The following DIS3L2 variants were observed in gnomAD, a reference collection of about 807,000 sequenced individuals.
DIS3L2 encodes DIS3-like exonuclease 2.
In DIS3L2, 34 loss-of-function variants were observed where a neutral mutation model predicts 97.5. The observed-to-expected ratio is 0.35, with a 90% confidence interval of 0.27 to 0.46. The LOEUF is 0.46. DIS3L2 is among the 20% of genes least tolerant of loss of function. DIS3L2 has a pLI of 1.00. For missense variants in DIS3L2, 1,038 were observed against 1,146.0 expected (o/e 0.91, Z 1.36); for synonymous variants, 435 against 445.2 (o/e 0.98, Z 0.29).
intron 10 of DIS3L2, among the ~76,000 whole-genome samples, chr2:232,227,843 T>G (rs1026194128): frequency 6.6e-6 from 1 of 152,234 alleles, no homozygotes; most frequent in Non-Finnish European, 1.5e-5. Flanking sequence ...ACAGTTAACG[T>G]TTAGTTTATA....
At chr2:232,214,651 G>C (rs578133000) in intron 10 of DIS3L2, among the ~76,000 whole-genome samples, 1 of 152,080 alleles carries the variant, frequency 6.6e-6, no homozygotes, top group East Asian at 1.9e-4. Context: ...TCCAGACTGC[G>C]CCTCCCTGGC....
intron 9 of DIS3L2, among the ~76,000 whole-genome samples, chr2:232,175,799 G>T (rs951490400): frequency 6.6e-6 from 1 of 151,400 alleles, no homozygotes; most frequent in Non-Finnish European, 1.5e-5. Flanking sequence ...TGGGTGGGGG[G>T]GTGGTTTGTT....
chr2:232,005,563 C>T (rs1338465285), intron 1 of DIS3L2, among the ~76,000 whole-genome samples: 1 of 152,112 alleles, frequency 6.6e-6, no homozygotes. Flanking sequence ...TATTTCCCTC[C>T]CCACAAATTT....
At chr2:231,985,865 TGA>T (rs897444383) in intron 1 of DIS3L2, among the ~76,000 whole-genome samples, 2 of 152,146 alleles carry the variant, frequency 1.3e-5, no homozygotes, top group African/African-American at 4.8e-5. Context: ...GGTGTGTCTG[TGA>T]GAGTGTTGCC....
intron 11 of DIS3L2, among the ~76,000 whole-genome samples, chr2:232,248,448 A>T (rs551595457): frequency 1.2e-4 from 10 of 84,538 alleles, no homozygotes; most frequent in Non-Finnish European, 2.0e-4. Context: ...GAGTTTTTGA[A>T]GTAATTTCAG....
At chr2:232,301,227 G>A (rs186758078) in intron 14 of DIS3L2, among the ~76,000 whole-genome samples, 38 of 152,292 alleles carry the variant, frequency 2.5e-4, no homozygotes, top group East Asian at 1.2e-3. Flanking sequence ...GACTCACCAC[G>A]GCTGTGAGAA....
intron 3 of DIS3L2, among the ~76,000 whole-genome samples, chr2:232,021,797 G>T (rs2106229725): frequency 6.6e-6 from 1 of 152,280 alleles, no homozygotes; most frequent in East Asian, 1.9e-4. Flanking sequence ...GAAGCAAAGA[G>T]ACCTTCCTCC....
chr2:232,242,882 G>A (rs1311398274), intron 11 of DIS3L2, among the ~76,000 whole-genome samples: 3 of 152,176 alleles, frequency 2.0e-5, no homozygotes, highest in African/African-American at 4.8e-5. Context: ...TTCCTTTTCT[G>A]CTGCCTGAAG....
intron 13 of DIS3L2, among the ~76,000 whole-genome samples, chr2:232,270,860 G>GTCTCTCTCTCTCTCTCTCTCTCTCTC (rs71056262): frequency 9.6e-6 from 1 of 103,870 alleles, no homozygotes; most frequent in Non-Finnish European, 2.0e-5. Context: ...TCTTTTTCTC[G>GTCTCTCTCTCTCTCTCTCTCTCTCTC]TCTCTCTCTC....
rs140398206 is a variant in DIS3L2 at position 232,259,344 on chromosome 2, C to T, written c.1426-3863C>T. ...CAAATGAACTGGTAGCCAATGCCAG[C>T]ATAGGCGGTGAGCAGGCTTTGGTAA... On this transcript the variant is annotated intron_variant, in intron 12 of 20. Coordinates refer to ENST00000325385, the MANE Select transcript of DIS3L2 (RefSeq NM_152383.5). Among the ~76,000 whole-genome samples the T allele has an allele frequency of 6.4e-3, 973 of 152,112 alleles. 11 individuals carry two copies. Among genetic ancestry groups the T allele is most frequent in the Admixed American group, 8.5e-3 (130 of 15,300 alleles).
In DIS3L2 at chr2:232,269,313, T is replaced by C. The variant is rs1574983544; in HGVS notation, c.1659+5873T>C. On this transcript the variant is annotated intron_variant, in intron 13 of 20. Coordinates refer to ENST00000325385, the MANE Select transcript of DIS3L2 (RefSeq NM_152383.5). This position sits in a 1 kb window ranked among gnomAD's most constrained non-coding sequence, Gnocchi z 4.5. ...TTCCAGCTCTGCTGTTTAATATTTG[T>C]ACCATATATTTGATCCAAGGTAGGA... Among the ~76,000 whole-genome samples the C allele has an allele frequency of 6.6e-6, 1 of 152,208 alleles. No individual in the cohort carries two copies. Among genetic ancestry groups the C allele is most frequent in the Non-Finnish European group, 1.5e-5 (1 of 68,036 alleles).
chr2:232,171,268 G>GTTTTAAT (rs1182997271), intron 9 of DIS3L2, among the ~76,000 whole-genome samples: 1 of 152,192 alleles, frequency 6.6e-6, no homozygotes, highest in African/African-American at 2.4e-5. Flanking sequence ...TTGGAAAACA[G>GTTTTAAT]TGTGTTAATA....
At chr2:232,166,611 G>A (rs1191595374) in intron 9 of DIS3L2, among the ~76,000 whole-genome samples, 2 of 152,066 alleles carry the variant, frequency 1.3e-5, no homozygotes, top group East Asian at 3.9e-4. Context: ...AGCTACTTAG[G>A]AGGCTGAGGC....
chr2:232,268,997 G>A lies in DIS3L2; in HGVS notation c.1659+5557G>A, dbSNP rs1374807498. 6.6e-6 allele frequency among the ~76,000 whole-genome samples: 1 copy of A among 152,202 alleles called. No individual in the cohort carries two copies. Among genetic ancestry groups the A allele is most frequent in the Non-Finnish European group, 1.5e-5 (1 of 68,040 alleles). ...CCCTTATTCCATTTACAGGCAGGTCGCTTTAATTAGCCTGAAGCAAAAGGA... is the reference window on the plus strand; with the variant it reads ...CCCTTATTCCATTTACAGGCAGGTCACTTTAATTAGCCTGAAGCAAAAGGA... On this transcript the variant is annotated intron_variant, in intron 13 of 20. Transcript: ENST00000325385. This position sits in a 1 kb window ranked among gnomAD's most constrained non-coding sequence, Gnocchi z 4.1.
intron 9 of DIS3L2, among the ~76,000 whole-genome samples, chr2:232,186,227 G>T (rs1480847052): frequency 6.6e-6 from 1 of 152,200 alleles, no homozygotes; most frequent in East Asian, 1.9e-4. Context: ...AGTGATATGG[G>T]ACATCACTAC....
chr2:232,154,806 T>C lies in DIS3L2; in HGVS notation c.951-8653T>C, dbSNP rs374834375. Among the ~76,000 whole-genome samples, 35 of 132,872 alleles carry C rather than the reference T, an allele frequency of 2.6e-4. No homozygotes were observed. In the South Asian group the frequency reaches 6.2e-3, roughly 23 times the overall value. The allele number at this position is 132,872 out of a possible 152,430, so 87.2% of individuals were successfully genotyped here. On this transcript the variant is annotated intron_variant, in intron 8 of 20. Coordinates refer to ENST00000325385, the MANE Select transcript of DIS3L2 (RefSeq NM_152383.5). ...GGCGGGCGCCCCTCCCCCAGCCTCG[T>C]TGCCGCCTTGCAGTTTGATCTCAGA...
chr2:232,097,807 T>C (rs1309847817), intron 6 of DIS3L2, among the ~76,000 whole-genome samples: 8 of 152,208 alleles, frequency 5.3e-5, no homozygotes, highest in Non-Finnish European at 1.2e-4. Context: ...TCTGCTTTTC[T>C]CAAGCAGATG....
At chr2:232,145,605 A>AT (rs1559675780) in intron 8 of DIS3L2, among the ~76,000 whole-genome samples, 2 of 151,980 alleles carry the variant, frequency 1.3e-5, no homozygotes, top group African/African-American at 2.4e-5. Flanking sequence ...AGTAGCAGGC[A>AT]TTTTTTTTAA....
chr2:232,104,524 A>T (rs949355895), intron 6 of DIS3L2, among the ~76,000 whole-genome samples: 2 of 152,054 alleles, frequency 1.3e-5, no homozygotes, highest in African/African-American at 4.8e-5. Context: ...CTATTTCCCA[A>T]ACCTTTTCAT....
Sources: gnomAD v4.1 joint callset for allele counts (sites outside exome capture counted in the v4.1 genomes callset) on GRCh38, gnomAD v4.1.1 for gene constraint, Gnocchi (gnomAD v3.1) non-coding constraint, MANE v1.5 for transcripts, NCBI Gene and HGNC (gene_info 2026-07-23, HGNC 2026-07-21) for gene names.